KIF13B: variants seen among roughly 807,000 people sequenced by gnomAD.
The protein encoded by KIF13B is kinesin-like protein KIF13B.
In KIF13B, 127 loss-of-function variants were observed where a neutral mutation model predicts 222.0. That is an observed-to-expected ratio of 0.57 (90% CI 0.50 to 0.66). KIF13B has a LOEUF of 0.66. Ranked by LOEUF, KIF13B falls within the 30% of genes least tolerant of loss-of-function variation. KIF13B has a pLI of 0.00. For missense variants in KIF13B, 2,173 were observed against 2,379.0 expected (o/e 0.91, Z 1.80); for synonymous variants, 976 against 919.0 (o/e 1.06, Z -1.12).
intron 2 of KIF13B, among the ~76,000 whole-genome samples, chr8:29,230,509 A>G (rs1330907969): frequency 6.6e-6 from 1 of 152,248 alleles, no homozygotes; most frequent in Non-Finnish European, 1.5e-5. Context: ...ACACAGCAAG[A>G]GAATCCCTGA....
In KIF13B at chr8:29,167,494, T is replaced by C; in HGVS notation, c.1037A>G (p.Tyr346Cys). 2 of 1,613,900 alleles carry C rather than the reference T, an allele frequency of 1.2e-6. No homozygotes were observed. The highest frequency in any genetic ancestry group is 8.5e-7 in the Non-Finnish European group (1 of 1,179,766). The change falls in exon 11 of 40, where the codon TAT (tyrosine) becomes TGT (cysteine). Residue 346 changes from tyrosine (Y) to cysteine (C), a missense_variant. Transcript: ENST00000524189. ...TACAATGTGCTTGGCTCGATCTGCATACCGCAGAGTTGAGAGGGTTTCATC... is the reference window on the plus strand; with the variant it reads ...TACAATGTGCTTGGCTCGATCTGCACACCGCAGAGTTGAGAGGGTTTCATC... ...NYDETLSTLR[Y>C]ADRAKHIVNH...
chr8:29,085,268 T>C (rs577087467), intron 37 of KIF13B, among the ~76,000 whole-genome samples: 16 of 152,362 alleles, frequency 1.1e-4, no homozygotes, highest in African/African-American at 3.4e-4. Context: ...TGGGTCTGTG[T>C]ATCTTTGCAT....
At chr8:29,171,766 T>TA (rs1395086250) in intron 10 of KIF13B, among the ~76,000 whole-genome samples, 1 of 149,582 alleles carries the variant, frequency 6.7e-6, no homozygotes, top group Non-Finnish European at 1.5e-5. Flanking sequence ...CTTCTTTTTT[T>TA]TTTTTTTTTG....
chr8:29,071,869 G>T lies in KIF13B; in HGVS notation c.4969C>A (p.Arg1657Ser). ...CCAGCCAGCATGCGCGAGAAGGAGC[G>T]CAACTCCGAGGCCCGCACCCTCCGG... ...RVRRVRASEL[R>S]SFSRMLAGDP... Residue 1657 changes from arginine to serine, a missense_variant, in exon 39 of 40, where the codon CGC becomes AGC. Physicochemically the swap from Arg to Ser is moderately radical, Grantham distance 110 (BLOSUM62 -1). This residue lies in a region of KIF13B where 693 missense variants were observed against 656.2 expected (regional missense o/e 1.06). Transcript: ENST00000524189. The surrounding 1 kb of genome is among the most constrained non-coding windows in gnomAD (Gnocchi z 4.9). The T allele has an allele frequency of 2.0e-6, 3 of 1,535,222 alleles. 1 individual carries two copies. Among genetic ancestry groups the T allele is most frequent in the Non-Finnish European group, 2.6e-6 (3 of 1,145,588 alleles).
At chr8:29,104,324 T>C (rs922307745) in intron 35 of KIF13B, among the ~76,000 whole-genome samples, 1 of 152,110 alleles carries the variant, frequency 6.6e-6, no homozygotes, top group East Asian at 1.9e-4. Flanking sequence ...CAAAACCCGA[T>C]GTCACCCAAG....
At chr8:29,126,828 G>C (rs1286738943) in intron 25 of KIF13B, among the ~76,000 whole-genome samples, 1 of 152,140 alleles carries the variant, frequency 6.6e-6, no homozygotes, top group African/African-American at 2.4e-5. Flanking sequence ...CCAGTAGGGG[G>C]TTTCTCCAGA....
At chr8:29,171,985 T>C (rs1190914627) in intron 10 of KIF13B, among the ~76,000 whole-genome samples, 1 of 151,676 alleles carries the variant, frequency 6.6e-6, no homozygotes, top group Admixed American at 6.6e-5. Context: ...CTCAAACTCC[T>C]GGCCTCAGGT....
chr8:29,081,700 A>G (rs1445115676), intron 37 of KIF13B, among the ~76,000 whole-genome samples: 2 of 152,194 alleles, frequency 1.3e-5, no homozygotes, highest in Non-Finnish European at 2.9e-5. Context: ...TATTCTTTTT[A>G]CTTCCTTAAA....
At chr8:29,236,564 G>C (rs1056613170) in intron 2 of KIF13B, among the ~76,000 whole-genome samples, 9 of 151,802 alleles carry the variant, frequency 5.9e-5, no homozygotes, top group African/African-American at 2.2e-4. Flanking sequence ...TGGAACAAAA[G>C]GATTACTGAC....
intron 10 of KIF13B, among the ~76,000 whole-genome samples, chr8:29,173,485 T>G (rs1298704542): frequency 1.4e-5 from 2 of 142,250 alleles, no homozygotes; most frequent in African/African-American, 5.2e-5. Context: ...AAAAAATTGC[T>G]AGGCATGGTG....
chr8:29,196,101 T>C, intron 3 of KIF13B, 86 bp downstream of exon 3: 1 of 1,111,194 alleles, frequency 9.0e-7, no homozygotes, highest in East Asian at 2.6e-5. Flanking sequence ...GAAAATATTT[T>C]CCTTTTTGAG....
intron 18 of KIF13B, among the ~76,000 whole-genome samples, chr8:29,145,112 T>A (rs1200361886): frequency 6.6e-6 from 1 of 152,202 alleles, no homozygotes; most frequent in East Asian, 1.9e-4. Flanking sequence ...CCTCTTCGGT[T>A]TTTGGTGAGT....
In KIF13B at chr8:29,139,526, G is replaced by A. The variant is rs367808069; in HGVS notation, c.2613+537C>T. ...AACACCAGAAGCCCTCTCAATATAC[G>A]CGAAGTCTTACAGAAAGCAGCCCAA... On this transcript the variant is annotated intron_variant, in intron 21 of 39. Transcript: ENST00000524189. Among the ~76,000 whole-genome samples the A allele has an allele frequency of 1.6e-3, 241 of 152,178 alleles. 1 individual carries two copies. The highest frequency in any genetic ancestry group is 5.5e-3 in the African/African-American group (228 of 41,528).
Position 29,147,598 on chromosome 8 carries a change from C to T in KIF13B, c.1818G>A (p.Pro606=), listed in dbSNP as rs375284226. The T allele has an allele frequency of 1.7e-5, 27 of 1,607,372 alleles. No individual in the cohort carries two copies. The highest frequency in any genetic ancestry group is 4.4e-5 in the South Asian group (4 of 90,904). ...VTMKALGSND[P]MQSILNSLEQ... is the part of the protein sequence containing the mutation. ...CTAAGCTGTTTAATATGGACTGCAT[C>T]GGATCTAAACACATTTTTAAAAAAG... The change falls in exon 17 of 40, where the codon CCG becomes CCA. Residue 606 remains proline, a synonymous_variant. Transcript: ENST00000524189.
In KIF13B at chr8:29,263,031, C is replaced by T; in HGVS notation, c.4G>A (p.Gly2Arg). 6.3e-7 allele frequency: 1 copy of T among 1,596,068 alleles called. No individual in the cohort carries two copies. Among genetic ancestry groups the T allele is most frequent in the Non-Finnish European group, 8.5e-7 (1 of 1,172,984 alleles). Reference protein sequence around the residue: MGDSKVKVAVRI... With the variant: MRDSKVKVAVRI... The stretch of plus-strand genomic sequence containing the variant: ...ACCGCCACTTTCACTTTGGAGTCCC[C>T]CATCCTGCAGCCGCCGAGGAACTCG... The change falls in exon 1 of 40, where the codon GGG becomes AGG. Residue 2 changes from glycine (G) to arginine (R), a missense_variant. Coordinates refer to ENST00000524189, the MANE Select transcript of KIF13B (RefSeq NM_015254.4).
At chr8:29,194,290 G>GTTT (rs10581359) in intron 3 of KIF13B, among the ~76,000 whole-genome samples, 30 of 142,268 alleles carry the variant, frequency 2.1e-4, no homozygotes, top group Non-Finnish European at 3.8e-4. Context: ...TTATTATTGG[G>GTTT]TTTTTTTTTT....
intron 2 of KIF13B, among the ~76,000 whole-genome samples, chr8:29,224,271 G>A (rs1026081180): frequency 1.3e-5 from 2 of 152,118 alleles, no homozygotes; most frequent in South Asian, 2.1e-4. Flanking sequence ...CCAAAGTGCT[G>A]GAATTACAGG....
intron 11 of KIF13B, among the ~76,000 whole-genome samples, chr8:29,166,455 T>A (rs1205697899): frequency 6.6e-6 from 1 of 152,062 alleles, no homozygotes; most frequent in Non-Finnish European, 1.5e-5. Context: ...TCCCAGCACT[T>A]TGGGAGGCCG....
At chr8:29,147,671 T>C (rs1411513069) in intron 16 of KIF13B, 69 bp from the exon 17 acceptor site, 3 of 1,164,950 alleles carry the variant, frequency 2.6e-6, no homozygotes, top group African/African-American at 3.0e-5. Context: ...TGTTGTTCTA[T>C]ATGGTAATGT....
Sources: allele counts gnomAD v4.1 joint callset (sites outside exome capture counted in the v4.1 genomes callset), GRCh38; gene constraint gnomAD v4.1.1; regional missense constraint gnomAD v4.1.1; non-coding constraint Gnocchi (gnomAD v3.1); transcripts MANE v1.5; gene names NCBI Gene and HGNC (gene_info 2026-07-23, HGNC 2026-07-21).